The following RGS6 variants were observed in gnomAD, a reference collection of about 807,000 sequenced individuals.
The protein encoded by RGS6 is regulator of G-protein signaling 6.
A neutral mutation model predicts 78.5 loss-of-function variants in RGS6; 30 were observed. The ratio of observed to expected loss-of-function variants is 0.38; its 90% CI spans 0.29 to 0.52. The LOEUF is 0.52. Ranked by LOEUF, RGS6 falls within the 20% of genes least tolerant of loss-of-function variation. The pLI is 0.85. For synonymous variants in RGS6, 206 were observed against 206.0 expected, an observed-to-expected ratio of 1.00 and a Z score of 0.00; for missense variants, 495 against 609.7, an observed-to-expected ratio of 0.81 and a Z score of 1.98.
chr14:72,422,951 G>A (rs947438391), intron 3 of RGS6, among the ~76,000 whole-genome samples: 2 of 152,154 alleles, frequency 1.3e-5, no homozygotes, highest in Admixed American at 6.5e-5. Context: ...CAACTCTGCC[G>A]ACACTTTGAT....
the RGS6 span, among the ~76,000 whole-genome samples, chr14:71,905,925 T>C: frequency 2.6e-5 from 4 of 152,312 alleles, no homozygotes; most frequent in East Asian, 5.8e-4. Context: ...TTCCTCAAAT[T>C]TGACAGGCTT....
At chr14:71,922,778 G>C in the RGS6 span, among the ~76,000 whole-genome samples, 1 of 152,038 alleles carries the variant, frequency 6.6e-6, no homozygotes, top group East Asian at 1.9e-4. Context: ...AACAGTACTG[G>C]CCAGGTATTT....
chr14:72,021,160 C>G (rs2088377924), intron 2 of RGS6, among the ~76,000 whole-genome samples: 1 of 152,002 alleles, frequency 6.6e-6, no homozygotes, highest in Non-Finnish European at 1.5e-5. Flanking sequence ...CTTTTCTTTT[C>G]TAATGGCCAG....
chr14:72,173,603 T>C (rs2097058880), intron 2 of RGS6, among the ~76,000 whole-genome samples: 1 of 152,104 alleles, frequency 6.6e-6, no homozygotes. Flanking sequence ...ATTTCTTCCG[T>C]CCCTCTCCAA....
chr14:72,379,440 A>G (rs1214027139), intron 3 of RGS6, among the ~76,000 whole-genome samples: 1 of 151,856 alleles, frequency 6.6e-6, no homozygotes, highest in African/African-American at 2.4e-5. Flanking sequence ...CCTAAAGGCT[A>G]TATCAAAAAA....
intron 2 of RGS6, among the ~76,000 whole-genome samples, chr14:72,311,714 T>C (rs957555469): frequency 9.9e-5 from 15 of 152,214 alleles, no homozygotes; most frequent in African/African-American, 3.1e-4. Flanking sequence ...CTCAAAGTGC[T>C]CCATTCATTG....
the RGS6 span, among the ~76,000 whole-genome samples, chr14:71,877,641 G>A: frequency 6.6e-6 from 1 of 152,194 alleles, no homozygotes; most frequent in East Asian, 1.9e-4. Context: ...TTAGCTCAGA[G>A]AAGTTTGTTA....
intron 2 of RGS6, among the ~76,000 whole-genome samples, chr14:72,133,752 C>T (rs756491961): frequency 7.2e-5 from 11 of 152,108 alleles, no homozygotes; most frequent in Non-Finnish European, 1.2e-4. Context: ...TCTGCTTTCT[C>T]TGAGTGCCTT....
At chr14:72,354,471 CA>C (rs56117958) in intron 3 of RGS6, among the ~76,000 whole-genome samples, 20,900 of 128,244 alleles carry the variant, frequency 0.16, 1,388 homozygotes, top group East Asian at 0.24. Flanking sequence ...ACTAAAAATA[CA>C]AAAAAAAAAA....
chr14:72,468,617 A>AT (rs2078812083), intron 7 of RGS6, among the ~76,000 whole-genome samples: 1 of 152,116 alleles, frequency 6.6e-6, no homozygotes, highest in Admixed American at 6.5e-5. Context: ...TTACAAAACT[A>AT]TATCAGAATC....
At chr14:71,952,401 CT>C (rs2092408562) in intron 1 of RGS6, among the ~76,000 whole-genome samples, 1 of 151,932 alleles carries the variant, frequency 6.6e-6, no homozygotes, top group African/African-American at 2.4e-5. Context: ...TCTGTACTTC[CT>C]TTTTCTCTTG....
intron 2 of RGS6, among the ~76,000 whole-genome samples, chr14:72,346,090 G>A (rs755251002): frequency 6.6e-6 from 1 of 152,154 alleles, no homozygotes; most frequent in Non-Finnish European, 1.5e-5. Context: ...CTAGAAACAG[G>A]CAACTGATTG....
chr14:72,550,781 G>T, intron 17 of RGS6: 1 of 681,356 alleles, frequency 1.5e-6, no homozygotes, highest in African/African-American at 1.8e-5. Context: ...TCTCATTCTT[G>T]GCTAATCTTT....
At chr14:72,179,583 A>G (rs955654054) in intron 2 of RGS6, among the ~76,000 whole-genome samples, 3 of 152,162 alleles carry the variant, frequency 2.0e-5, no homozygotes, top group Non-Finnish European at 2.9e-5. Context: ...GAAGCAGAGA[A>G]TACTCAGCCA....
intron 2 of RGS6, among the ~76,000 whole-genome samples, chr14:72,039,749 TGTATC>T (rs2092177451): frequency 2.6e-5 from 4 of 151,954 alleles, no homozygotes; most frequent in Admixed American, 2.6e-4. Context: ...CTGTATATGT[TGTATC>T]TATCTATTCC....
At chr14:72,612,549 C>T in the RGS6 span, 15 of 515,936 alleles carry the variant, frequency 2.9e-5, no homozygotes, top group Non-Finnish European at 5.8e-5. Flanking sequence ...CTCCACCCCA[C>T]TCCTTAGCAT....
At chr14:71,979,007 G>A (rs543799245) in intron 2 of RGS6, among the ~76,000 whole-genome samples, 14 of 150,036 alleles carry the variant, frequency 9.3e-5, no homozygotes, top group South Asian at 4.3e-4. Context: ...TGTATGTGTC[G>A]AGGAATTTAT....
chr14:72,036,484 G>A (rs2091734916), intron 2 of RGS6, among the ~76,000 whole-genome samples: 1 of 152,080 alleles, frequency 6.6e-6, no homozygotes, highest in Non-Finnish European at 1.5e-5. Flanking sequence ...CTGCCACACT[G>A]TTTGCCAGAG....
intron 2 of RGS6, among the ~76,000 whole-genome samples, chr14:72,203,090 T>C (rs1380767943): frequency 6.6e-6 from 1 of 152,122 alleles, no homozygotes; most frequent in African/African-American, 2.4e-5. Context: ...TTAGCCAGGA[T>C]GGTCTCGATC....
Sources: gnomAD v4.1 joint callset for allele counts (sites outside exome capture counted in the v4.1 genomes callset) on GRCh38, gnomAD v4.1.1 for gene constraint, MANE v1.5 for transcripts, NCBI Gene and HGNC (gene_info 2026-07-23, HGNC 2026-07-21) for gene names.